FOXP2: variants seen among roughly 807,000 people sequenced by gnomAD.
The protein encoded by FOXP2 is forkhead box protein P2.
A neutral mutation model predicts 115.8 loss-of-function variants in FOXP2; 12 were observed. The ratio of observed to expected loss-of-function variants is 0.10; its 90% confidence interval spans 0.07 to 0.17. FOXP2 has a LOEUF of 0.17. FOXP2 is among the 10% of genes least tolerant of loss of function. The pLI is 1.00. For synonymous variants in FOXP2, 328 were observed against 297.7 expected, an observed-to-expected ratio of 1.10 and a Z score of -1.05; for missense variants, 629 against 843.5, an observed-to-expected ratio of 0.75 and a Z score of 3.15.
chr7:114,477,222 C>T (rs1410614966), intron 2 of FOXP2, among the ~76,000 whole-genome samples: 13 of 152,064 alleles, frequency 8.5e-5, no homozygotes, highest in South Asian at 2.1e-4. Flanking sequence ...TTCATTGTTA[C>T]GCTATTCACA....
intron 1 of FOXP2, among the ~76,000 whole-genome samples, chr7:114,228,565 G>A (rs2129165319): frequency 6.6e-6 from 1 of 152,012 alleles, no homozygotes; most frequent in East Asian, 1.9e-4. Flanking sequence ...ATTGCAGCAT[G>A]AAGATTATAG....
chr7:114,590,294 A>C (rs1009063932), intron 3 of FOXP2, among the ~76,000 whole-genome samples: 4 of 152,184 alleles, frequency 2.6e-5, no homozygotes, highest in Non-Finnish European at 4.4e-5. Context: ...TCTGCCTACA[A>C]GTGAGGCTGT....
At chr7:114,231,141 TAG>T (rs1166668944) in intron 1 of FOXP2, among the ~76,000 whole-genome samples, 6 of 152,026 alleles carry the variant, frequency 3.9e-5, no homozygotes, top group African/African-American at 7.2e-5. Flanking sequence ...TCATTTAAAA[TAG>T]AGTCTAAAAG....
At chr7:114,134,848 A>G (rs902566348) in intron 1 of FOXP2, among the ~76,000 whole-genome samples, 1 of 152,170 alleles carries the variant, frequency 6.6e-6, no homozygotes, top group African/African-American at 2.4e-5. Flanking sequence ...ATGTTGCTTT[A>G]GCTTAACTTA....
intron 2 of FOXP2, among the ~76,000 whole-genome samples, chr7:114,357,012 C>A (rs563571751): frequency 3.3e-5 from 5 of 152,180 alleles, no homozygotes; most frequent in African/African-American, 7.2e-5. Context: ...AAATGAGAAG[C>A]CTTGATCACA....
At chr7:114,462,503 C>CT (rs1795619244) in intron 2 of FOXP2, among the ~76,000 whole-genome samples, 1 of 149,894 alleles carries the variant, frequency 6.7e-6, no homozygotes, top group Non-Finnish European at 1.5e-5. Context: ...TCCTGAGTAG[C>CT]TGGGACTACA....
chr7:114,430,184 C>G (rs2129206855), intron 2 of FOXP2, among the ~76,000 whole-genome samples: 1 of 151,718 alleles, frequency 6.6e-6, no homozygotes, highest in East Asian at 1.9e-4. Flanking sequence ...ATTTGCTTCC[C>G]CCTTAACTTA....
At chr7:114,565,391 G>A (rs1800964656) in intron 3 of FOXP2, among the ~76,000 whole-genome samples, 1 of 152,094 alleles carries the variant, frequency 6.6e-6, no homozygotes, top group Admixed American at 6.6e-5. Context: ...TACCTGTCAT[G>A]CAAATATCCT....
chr7:114,542,839 G>T (rs1330701724), intron 3 of FOXP2, among the ~76,000 whole-genome samples: 2 of 146,542 alleles, frequency 1.4e-5, no homozygotes, highest in Non-Finnish European at 3.0e-5. Context: ...CACCCAGGTT[G>T]TAGTGCAGTG....
chr7:114,212,347 G>T (rs1469305102), intron 1 of FOXP2, among the ~76,000 whole-genome samples: 2 of 151,882 alleles, frequency 1.3e-5, no homozygotes, highest in East Asian at 1.9e-4. Context: ...GTAAAGGAAA[G>T]AAATAAAATT....
rs1319937797 is a variant in FOXP2, at chr7:114,594,438, G to A, written c.259-34102G>A. On this transcript the variant is annotated intron_variant, in intron 3 of 16. Transcript: ENST00000350908. Reference sequence around the variant, plus strand: ...CCAATCAGTGCTTTGTTTCAGCCATGCTTAGCAAATAGAGAGCCGACTGAT... The same window carrying A: ...CCAATCAGTGCTTTGTTTCAGCCATACTTAGCAAATAGAGAGCCGACTGAT... Among the ~76,000 whole-genome samples the A allele has an allele frequency of 3.3e-5, 5 of 152,046 alleles. No individual in the cohort carries two copies. In the East Asian group the frequency reaches 9.6e-4, roughly 29 times the overall value.
chr7:114,656,849 T>G (rs376712820), intron 10 of FOXP2, among the ~76,000 whole-genome samples: 1 of 152,148 alleles, frequency 6.6e-6, no homozygotes, highest in Non-Finnish European at 1.5e-5. Context: ...GAAAGATCAA[T>G]CAATGCTGTA....
chr7:114,357,993 T>C (rs1487660608), intron 2 of FOXP2, among the ~76,000 whole-genome samples: 1 of 152,178 alleles, frequency 6.6e-6, no homozygotes, highest in Non-Finnish European at 1.5e-5. Flanking sequence ...AGAGATGTGA[T>C]CCTCCTTTGA....
intron 1 of FOXP2, chr7:114,419,724 A>G (rs1793529578): frequency 6.6e-6 from 1 of 151,962 alleles, no homozygotes; most frequent in South Asian, 2.1e-4. Context: ...ACACACACAC[A>G]CACACACACA....
chr7:114,215,599 G>A (rs1448096761), intron 1 of FOXP2, among the ~76,000 whole-genome samples: 2 of 151,382 alleles, frequency 1.3e-5, no homozygotes, highest in Non-Finnish European at 2.9e-5. Context: ...CCTCTTTCTA[G>A]CTCCTTACTG....
rs151111591 is a variant in FOXP2 at position 114,391,546 on chromosome 7, G to A, written c.-10-34956G>A. 6.1e-3 allele frequency among the ~76,000 whole-genome samples: 928 copies of A among 152,234 alleles called. 10 individuals are homozygous for A. The highest frequency in any genetic ancestry group is 0.022 in the African/African-American group (904 of 41,542). ...ACTAGGGTATGGAACACATCTTATT[G>A]CTCACTATGGTGTCTGCAGAAACTG... On this transcript the variant is annotated intron_variant, in intron 2 of 17. Transcript: ENST00000634411.
rs191650888 is a variant in FOXP2 at position 114,559,276 on chromosome 7, G to A, written c.258+24570G>A. Among the ~76,000 whole-genome samples the A allele has an allele frequency of 1.4e-3, 218 of 152,226 alleles. 1 individual carries two copies. Among genetic ancestry groups the A allele is most frequent in the Non-Finnish European group, 1.0e-3 (69 of 68,008 alleles). On this transcript the variant is annotated intron_variant, in intron 3 of 16. Transcript: ENST00000350908. Reference sequence around the variant, plus strand: ...TTGATTAGCATTCCTGCAAATTCAAGTTGTATATGTACACAGTGAACAGGT... The same window carrying A: ...TTGATTAGCATTCCTGCAAATTCAAATTGTATATGTACACAGTGAACAGGT...
At chr7:114,291,893 T>TA in intron 2 of FOXP2, among the ~76,000 whole-genome samples, 2 of 137,550 alleles carry the variant, frequency 1.5e-5, no homozygotes, top group African/African-American at 5.4e-5. Flanking sequence ...AGAATATATA[T>TA]TATAGATAAT....
intron 3 of FOXP2, among the ~76,000 whole-genome samples, chr7:114,549,251 C>T (rs1800085366): frequency 6.6e-6 from 1 of 152,158 alleles, no homozygotes; most frequent in Admixed American, 6.5e-5. Flanking sequence ...TCCATATATT[C>T]CTTTTGAAGA....
Sources: gnomAD v4.1 joint callset for allele counts (sites outside exome capture counted in the v4.1 genomes callset) on GRCh38, gnomAD v4.1.1 for gene constraint, MANE v1.5 for transcripts, NCBI Gene and HGNC (gene_info 2026-07-23, HGNC 2026-07-21) for gene names.